Variants in PRKG1 observed in about 807,000 individuals in gnomAD.
The protein encoded by PRKG1 is protein kinase cGMP-dependent 1.
Under a neutral mutation model 88.1 loss-of-function variants are expected in PRKG1, and 35 were observed. That is an observed-to-expected ratio of 0.40 (90% CI 0.30 to 0.53). The LOEUF is 0.53. Ranked by LOEUF, PRKG1 falls within the 20% of genes least tolerant of loss-of-function variation. The pLI is 0.59. For missense variants in PRKG1, 540 were observed against 839.8 expected, an observed-to-expected ratio of 0.64 and a Z score of 4.41; for synonymous variants, 303 against 292.5, an observed-to-expected ratio of 1.04 and a Z score of -0.37.
chr10:51,722,786 T>C (rs1169791648), intron 3 of PRKG1, among the ~76,000 whole-genome samples: 1 of 152,228 alleles, frequency 6.6e-6, no homozygotes, highest in Non-Finnish European at 1.5e-5. Context: ...ATGTTGATAG[T>C]CAAGGATTAT....
intron 9 of PRKG1, among the ~76,000 whole-genome samples, chr10:52,166,714 G>C (rs1272736707): frequency 6.8e-6 from 1 of 147,066 alleles, no homozygotes; most frequent in Admixed American, 6.8e-5. Context: ...TGTATAGCTT[G>C]TATCTTTGAT....
chr10:51,571,571 G>A (rs1837753602), intron 3 of PRKG1, among the ~76,000 whole-genome samples: 1 of 151,844 alleles, frequency 6.6e-6, no homozygotes, highest in African/African-American at 2.4e-5. Context: ...AAGAGAAGCA[G>A]GAAGAAGTTT....
Position 52,265,014 on chromosome 10 carries a change from G to A in PRKG1, c.1174-6336G>A, listed in dbSNP as rs370746195. 1.3e-4 allele frequency among the ~76,000 whole-genome samples: 20 copies of A among 151,920 alleles called. No homozygotes were observed. In the East Asian group the frequency reaches 2.1e-3, roughly 16 times the overall value. On this transcript the variant is annotated intron_variant, in intron 10 of 17. Transcript: ENST00000373980. Reference sequence around the variant, plus strand: ...GATATTGCCACATGTTTTTTGGGCCGTTTCTATAAGGTTAAATATAATTAA... The same window carrying A: ...GATATTGCCACATGTTTTTTGGGCCATTTCTATAAGGTTAAATATAATTAA...
intron 5 of PRKG1, among the ~76,000 whole-genome samples, chr10:51,940,579 A>C (rs1011428803): frequency 4.0e-5 from 6 of 151,898 alleles, no homozygotes; most frequent in African/African-American, 1.2e-4. Context: ...ATGTAGTGTC[A>C]GCCAGGGATA....
chr10:52,018,966 T>G (rs1445968857), intron 5 of PRKG1, among the ~76,000 whole-genome samples: 2 of 62,952 alleles, frequency 3.2e-5, no homozygotes, highest in Non-Finnish European at 3.7e-5. Context: ...CTTGGATAAT[T>G]TATGAAGAAA....
chr10:51,666,738 G>A (rs112361783), intron 3 of PRKG1, among the ~76,000 whole-genome samples: 284 of 152,144 alleles, frequency 1.9e-3, no homozygotes, highest in Non-Finnish European at 3.1e-3. Flanking sequence ...ATCTTTAAAA[G>A]CAATTGTTAA....
chr10:51,079,663 A>T (rs1844055368), intron 1 of PRKG1, among the ~76,000 whole-genome samples: 1 of 137,880 alleles, frequency 7.3e-6, no homozygotes, highest in Non-Finnish European at 1.6e-5. Context: ...TGGGTTTTAG[A>T]ATAGCTAAGG....
chr10:52,161,704 A>G (rs1022093718), intron 8 of PRKG1, among the ~76,000 whole-genome samples, 185 bp from the exon 9 acceptor site: 3 of 152,092 alleles, frequency 2.0e-5, no homozygotes, highest in African/African-American at 7.2e-5. Flanking sequence ...GAGGTCGGTA[A>G]TTTCATAGAG....
chr10:52,164,952 T>C (rs989177433), intron 9 of PRKG1, among the ~76,000 whole-genome samples: 27 of 152,136 alleles, frequency 1.8e-4, no homozygotes, highest in Admixed American at 1.3e-4. Context: ...AACTGTACAG[T>C]TTTGTTTGAA....
chr10:51,418,296 C>T (rs1184144587), intron 2 of PRKG1, among the ~76,000 whole-genome samples: 3 of 152,102 alleles, frequency 2.0e-5, no homozygotes, highest in East Asian at 1.9e-4. Context: ...AAAGAGGGAG[C>T]GTCATCTTCC....
At chr10:51,426,620 T>C (rs1838593347) in intron 2 of PRKG1, among the ~76,000 whole-genome samples, 1 of 152,136 alleles carries the variant, frequency 6.6e-6, no homozygotes, top group African/African-American at 2.4e-5. Flanking sequence ...GCTATCCAAT[T>C]AAGTAGACAA....
At chr10:51,111,459 G>T (rs1434748100) in intron 1 of PRKG1, among the ~76,000 whole-genome samples, 1 of 152,080 alleles carries the variant, frequency 6.6e-6, no homozygotes, top group African/African-American at 2.4e-5. Context: ...TTACTTTGGA[G>T]CTATTTGTAG....
rs1276362293 is a variant in PRKG1, at chr10:52,196,192, T to A, written c.1076+34229T>A. ...CACGCCTGGCTAATTTTTTTTGGTATTTTTTAGTAGAGACGGGGTTTCACC... is the reference window on the plus strand; with the variant it reads ...CACGCCTGGCTAATTTTTTTTGGTAATTTTTAGTAGAGACGGGGTTTCACC... On this transcript the variant is annotated intron_variant, in intron 9 of 17. Transcript: ENST00000373980. Among the ~76,000 whole-genome samples the A allele has an allele frequency of 2.6e-5, 4 of 151,986 alleles. No individual in the cohort carries two copies. The East Asian group carries it at 7.8e-4, about 30-fold the overall frequency.
chr10:51,261,856 A>T (rs1458816630), intron 2 of PRKG1, among the ~76,000 whole-genome samples: 1 of 151,248 alleles, frequency 6.6e-6, no homozygotes, highest in East Asian at 1.9e-4. Context: ...TGGAAATTTA[A>T]AGCCAGCGTG....
At chr10:51,978,624 T>C (rs551974221) in intron 5 of PRKG1, among the ~76,000 whole-genome samples, 3 of 152,172 alleles carry the variant, frequency 2.0e-5, no homozygotes, top group Admixed American at 6.6e-5. Context: ...GTTTATGTCA[T>C]CTCTGATTTC....
intron 3 of PRKG1, among the ~76,000 whole-genome samples, chr10:51,704,342 T>C (rs551806511): frequency 1.3e-5 from 2 of 152,274 alleles, no homozygotes; most frequent in Non-Finnish European, 2.9e-5. Flanking sequence ...GTTCATTATA[T>C]ATTTGTTGAA....
intron 3 of PRKG1, among the ~76,000 whole-genome samples, chr10:51,774,413 G>A (rs917032938): frequency 3.3e-5 from 5 of 152,030 alleles, no homozygotes; most frequent in African/African-American, 1.2e-4. Flanking sequence ...AAGCTTTTGT[G>A]AGCAATTAAA....
chr10:52,119,980 G>A (rs574276878), intron 7 of PRKG1, among the ~76,000 whole-genome samples: 15 of 148,592 alleles, frequency 1.0e-4, no homozygotes, highest in African/African-American at 3.7e-4. Context: ...AGACAGAGAG[G>A]GAAAGTGAGA....
chr10:51,849,848 C>T (rs1002003332), intron 4 of PRKG1, among the ~76,000 whole-genome samples: 3 of 152,056 alleles, frequency 2.0e-5, no homozygotes, highest in South Asian at 4.1e-4. Context: ...TTGATGGGGC[C>T]TTAAGCATAC....
Sources: allele counts gnomAD v4.1 joint callset (sites outside exome capture counted in the v4.1 genomes callset), GRCh38; gene constraint gnomAD v4.1.1; transcripts MANE v1.5; gene names NCBI Gene and HGNC (gene_info 2026-07-23, HGNC 2026-07-21).